INO80: variants seen among roughly 807,000 people sequenced by gnomAD.
The protein encoded by INO80 is INO80 complex ATPase subunit, also known as chromatin-remodeling ATPase INO80.
A neutral mutation model predicts 203.4 loss-of-function variants in INO80; 20 were observed. The observed-to-expected ratio is 0.10, with a 90% CI of 0.07 to 0.14. INO80 has a LOEUF of 0.14. INO80 is among the 10% of genes least tolerant of loss of function. The pLI is 1.00. For missense variants in INO80, 1,419 were observed against 1,914.4 expected (o/e 0.74, Z 4.83); for synonymous variants, 726 against 685.2 (o/e 1.06, Z -0.93).
intron 12 of INO80, 66 bp downstream of exon 12, chr15:41,071,783 T>C (rs2045322472): frequency 7.1e-7 from 1 of 1,398,922 alleles, no homozygotes; most frequent in Non-Finnish European, 1.0e-6. Flanking sequence ...CATTTCACAA[T>C]CACATTGAAC....
intron 1 of INO80, among the ~76,000 whole-genome samples, chr15:41,097,953 C>CA (rs2045749745): frequency 6.6e-6 from 1 of 152,122 alleles, no homozygotes; most frequent in South Asian, 2.1e-4. Context: ...AACCCCATCT[C>CA]AAAAAACAAC....
chr15:41,059,672 T>C (rs964919773), intron 15 of INO80, among the ~76,000 whole-genome samples, 195 bp downstream of exon 15: 1 of 151,584 alleles, frequency 6.6e-6, no homozygotes, highest in Admixed American at 6.6e-5. Context: ...AGATTCTTAA[T>C]TAATCCTGGA....
intron 1 of INO80, among the ~76,000 whole-genome samples, chr15:41,103,754 A>G (rs1268657236): frequency 3.9e-5 from 6 of 152,186 alleles, no homozygotes; most frequent in Admixed American, 3.9e-4. Flanking sequence ...AATAAAATCT[A>G]AATTCTTCAG....
chr15:41,063,062 C>T (rs576716781), intron 14 of INO80, among the ~76,000 whole-genome samples: 4 of 152,176 alleles, frequency 2.6e-5, no homozygotes, highest in South Asian at 2.1e-4. Flanking sequence ...ATAGGGTGGG[C>T]GCAGTGGCTC....
chr15:41,010,872 G>A (rs2044125097), intron 27 of INO80, among the ~76,000 whole-genome samples: 1 of 152,182 alleles, frequency 6.6e-6, no homozygotes, highest in Non-Finnish European at 1.5e-5. Flanking sequence ...CAGATCTGAT[G>A]TAATTTTATT....
intron 27 of INO80, among the ~76,000 whole-genome samples, chr15:41,005,951 G>T (rs2044034340): frequency 2.1e-5 from 2 of 94,614 alleles, no homozygotes; most frequent in African/African-American, 7.9e-5. Context: ...AATTCCTGTA[G>T]GTTTCATTAA....
intron 1 of INO80, among the ~76,000 whole-genome samples, chr15:41,100,036 T>C (rs1316619740): frequency 6.6e-6 from 1 of 152,176 alleles, no homozygotes. Context: ...TAAGGAGGTA[T>C]GACTACCAAG....
chr15:41,098,862 A>G (rs1319180073), intron 1 of INO80, among the ~76,000 whole-genome samples: 1 of 152,154 alleles, frequency 6.6e-6, no homozygotes, highest in East Asian at 1.9e-4. Context: ...ACCAACAAAG[A>G]TGTATGACTA....
rs540434648 is a variant in INO80 at position 41,049,842 on chromosome 15, C to T, written c.2442+93G>A. On this transcript the variant is annotated intron_variant, in intron 20 of 35. Coordinates refer to ENST00000648947, the MANE Select transcript of INO80 (RefSeq NM_017553.3). ...CAGAGGTTGCAGTGAGCCGAAATCA[C>T]GCCATTGCACTCCAGCCTGGGCAAC... 2.7e-5 allele frequency: 31 copies of T among 1,161,752 alleles called. No individual in the cohort carries two copies. In the South Asian group the frequency reaches 4.3e-4, roughly 16 times the overall value. The allele number at this position is 1,161,752 out of a possible 1,614,324, so 72.0% of individuals were successfully genotyped here. A position where few individuals can be genotyped will look rare whatever the true frequency, so the allele number is the denominator to read the frequency against.
At chr15:41,073,567 G>T (rs1425749649) in intron 10 of INO80, 72 bp from the exon 11 acceptor site, 2 of 1,165,962 alleles carry the variant, frequency 1.7e-6, no homozygotes, top group Non-Finnish European at 2.6e-6. Context: ...TAACACCAAT[G>T]TATGTGGATC....
intron 1 of INO80, among the ~76,000 whole-genome samples, chr15:41,101,053 C>T (rs559961192): frequency 1.9e-4 from 29 of 151,982 alleles, no homozygotes; most frequent in Non-Finnish European, 1.5e-4. Context: ...TGGTCTCAAA[C>T]GCCTGGCATC....
At chr15:41,102,066 C>T (rs931099247) in intron 1 of INO80, among the ~76,000 whole-genome samples, 42 of 152,126 alleles carry the variant, frequency 2.8e-4, no homozygotes, top group African/African-American at 1.0e-3. Flanking sequence ...TGGCACGCAC[C>T]TGTAGTCCCA....
chr15:41,005,451 A>C (rs1192456734), intron 28 of INO80, 142 bp downstream of exon 28: 1 of 575,654 alleles, frequency 1.7e-6, no homozygotes, highest in African/African-American at 1.9e-5. Context: ...CAGATTTAGT[A>C]ACTTCTTAAA....
chr15:41,058,464 T>C (rs551557037), intron 16 of INO80, among the ~76,000 whole-genome samples, 175 bp downstream of exon 16: 324 of 152,214 alleles, frequency 2.1e-3, no homozygotes, highest in African/African-American at 7.6e-3. Context: ...AGTTCAAGAC[T>C]AGCCTGGGCA....
intron 1 of INO80, among the ~76,000 whole-genome samples, chr15:41,103,209 ATTC>A (rs1212712292): frequency 6.6e-6 from 1 of 152,124 alleles, no homozygotes; most frequent in Non-Finnish European, 1.5e-5. Context: ...TGTGTAGTTA[ATTC>A]TTCTTTGGGA....
chr15:41,008,886 C>T (rs889589096), intron 27 of INO80, among the ~76,000 whole-genome samples: 9 of 152,026 alleles, frequency 5.9e-5, no homozygotes, highest in African/African-American at 1.4e-4. Context: ...CAGGCTGGAG[C>T]GCAATGGTGA....
intron 4 of INO80, among the ~76,000 whole-genome samples, chr15:41,093,875 G>A (rs1055066395): frequency 2.0e-5 from 3 of 152,050 alleles, no homozygotes; most frequent in Admixed American, 2.0e-4. Context: ...AAAATAAAAT[G>A]AAAAGGTGAA....
Position 41,096,032 on chromosome 15 carries a change from T to A in INO80, c.144-104A>T, listed in dbSNP as rs1021102751. The A allele has an allele frequency of 3.5e-6, 5 of 1,410,304 alleles. No individual in the cohort carries two copies. In the African/African-American group the frequency reaches 4.3e-5, roughly 12 times the overall value. 87.4% of individuals were successfully genotyped at this position (1,410,304 alleles called of 1,614,324 possible). A position where few individuals can be genotyped will look rare whatever the true frequency, so the allele number is the denominator to read the frequency against. ...GAAGAAACTGTTCCTCTGAAATAAATTGACTTTTTTATTTGAAAGAGGCAA... is the reference window on the plus strand; with the variant it reads ...GAAGAAACTGTTCCTCTGAAATAAAATGACTTTTTTATTTGAAAGAGGCAA... On this transcript the variant is annotated intron_variant, in intron 2 of 35. Coordinates refer to ENST00000648947, the MANE Select transcript of INO80 (RefSeq NM_017553.3).
intron 29 of INO80, among the ~76,000 whole-genome samples, chr15:40,992,651 C>G (rs762815037): frequency 1.3e-4 from 20 of 152,204 alleles, no homozygotes; most frequent in Non-Finnish European, 2.6e-4. Flanking sequence ...CACAGTATAT[C>G]CTCGGAATTA....
Sources: gnomAD v4.1 joint callset for allele counts (sites outside exome capture counted in the v4.1 genomes callset) on GRCh38, gnomAD v4.1.1 for gene constraint, MANE v1.5 for transcripts, NCBI Gene and HGNC (gene_info 2026-07-23, HGNC 2026-07-21) for gene names.